Variants in UBASH3B observed in about 807,000 individuals in gnomAD.
UBASH3B encodes the protein ubiquitin associated and SH3 domain containing B.
In UBASH3B, 37 loss-of-function variants were observed where a neutral mutation model predicts 83.4. The observed-to-expected ratio is 0.44, with a 90% confidence interval of 0.34 to 0.58. The LOEUF (loss-of-function observed/expected upper bound fraction) is 0.58. Ranked by LOEUF, UBASH3B falls within the 20% of genes least tolerant of loss-of-function variation. The pLI is 0.01. For synonymous variants in UBASH3B, 304 were observed against 318.3 expected, an observed-to-expected ratio of 0.96 and a Z score of 0.48; for missense variants, 657 against 827.2, an observed-to-expected ratio of 0.79 and a Z score of 2.52.
At chr11:122,666,598 T>C (rs987128852) in intron 1 of UBASH3B, among the ~76,000 whole-genome samples, 1 of 152,118 alleles carries the variant, frequency 6.6e-6, no homozygotes. Flanking sequence ...TTTGTATTTT[T>C]AGTAGAGACG....
chr11:122,804,189 A>G (rs1478911898), intron 11 of UBASH3B, among the ~76,000 whole-genome samples: 1 of 152,098 alleles, frequency 6.6e-6, no homozygotes, highest in Admixed American at 6.5e-5. Flanking sequence ...ATGAGGTGAC[A>G]TAAATGGTGA....
intron 1 of UBASH3B, among the ~76,000 whole-genome samples, chr11:122,714,336 G>A (rs563983623): frequency 6.6e-6 from 1 of 152,174 alleles, no homozygotes; most frequent in Admixed American, 6.5e-5. Context: ...TACCTTACAA[G>A]GCCATTCAAT....
intron 1 of UBASH3B, among the ~76,000 whole-genome samples, chr11:122,730,741 A>G (rs549125201): frequency 1.3e-4 from 20 of 152,166 alleles, no homozygotes; most frequent in Non-Finnish European, 2.5e-4. Context: ...GATTACAGGC[A>G]TGTGCCACCA....
intron 1 of UBASH3B, among the ~76,000 whole-genome samples, chr11:122,662,640 A>G (rs888925171): frequency 6.6e-6 from 1 of 152,004 alleles, no homozygotes; most frequent in Non-Finnish European, 1.5e-5. Context: ...CATGTTGGTC[A>G]GGCTGGTCTC....
intron 7 of UBASH3B, among the ~76,000 whole-genome samples, chr11:122,795,757 C>G (rs1861143175): frequency 6.6e-6 from 1 of 152,206 alleles, no homozygotes; most frequent in African/African-American, 2.4e-5. Flanking sequence ...GAAGTCCTCA[C>G]TCCCTGAAGA....
At chr11:122,756,823 T>G (rs1861290295) in intron 1 of UBASH3B, among the ~76,000 whole-genome samples, 1 of 152,128 alleles carries the variant, frequency 6.6e-6, no homozygotes, top group Admixed American at 6.5e-5. Context: ...GAGGTTGCAC[T>G]CGATCCAGTG....
intron 6 of UBASH3B, among the ~76,000 whole-genome samples, chr11:122,793,308 G>T (rs543394342): frequency 2.0e-4 from 31 of 152,194 alleles, no homozygotes; most frequent in Non-Finnish European, 4.1e-4. Flanking sequence ...GCTTGAACCT[G>T]CAGGGTGGAG....
chr11:122,678,235 C>T (rs1389898277), intron 1 of UBASH3B, among the ~76,000 whole-genome samples: 1 of 152,194 alleles, frequency 6.6e-6, no homozygotes, highest in Non-Finnish European at 1.5e-5. Context: ...TATCAGCCAT[C>T]AGTGACCTGG....
At chr11:122,766,915 C>T (rs142229818) in intron 1 of UBASH3B, among the ~76,000 whole-genome samples, 2,109 of 152,324 alleles carry the variant, frequency 0.014, 45 homozygotes, top group Admixed American at 0.046. Context: ...CCCCTTCCCC[C>T]GAGTAGTCCT....
intron 1 of UBASH3B, among the ~76,000 whole-genome samples, chr11:122,741,259 C>T (rs137933542): frequency 7.9e-5 from 12 of 152,240 alleles, no homozygotes; most frequent in African/African-American, 2.4e-4. Context: ...TTTTCATGTT[C>T]GGCTCTTTTC....
At chr11:122,768,451 AAGAT>A (rs1445473697) in intron 1 of UBASH3B, among the ~76,000 whole-genome samples, 24 of 144,606 alleles carry the variant, frequency 1.7e-4, no homozygotes, top group East Asian at 4.0e-4. Flanking sequence ...AAAAAAGAAA[AAGAT>A]AGAGATATAT....
intron 1 of UBASH3B, among the ~76,000 whole-genome samples, chr11:122,695,618 C>A (rs759349330): frequency 5.3e-5 from 8 of 151,782 alleles, no homozygotes; most frequent in Non-Finnish European, 7.4e-5. Context: ...TTTACTTTTT[C>A]CCCGTTATCC....
chr11:122,734,118 T>A (rs1343206500), intron 1 of UBASH3B, among the ~76,000 whole-genome samples: 1 of 152,194 alleles, frequency 6.6e-6, no homozygotes, highest in Non-Finnish European at 1.5e-5. Flanking sequence ...AACTCCTGAC[T>A]TCAGGTGATC....
chr11:122,682,987 T>C (rs1863761323), intron 1 of UBASH3B, among the ~76,000 whole-genome samples: 1 of 152,174 alleles, frequency 6.6e-6, no homozygotes, highest in African/African-American at 2.4e-5. Context: ...GGCTTATGCC[T>C]GTAATCACAA....
At chr11:122,801,152 G>C in intron 10 of UBASH3B, 36 bp from the exon 11 acceptor site, 2 of 1,606,616 alleles carry the variant, frequency 1.2e-6, no homozygotes, top group Non-Finnish European at 1.7e-6. Flanking sequence ...GAATCCACAG[G>C]CACTTTCTTC....
Position 122,796,184 on chromosome 11 carries a change from C to G in UBASH3B, c.1142C>G (p.Pro381Arg), listed in dbSNP as rs1489310075. The G allele has an allele frequency of 1.2e-6, 2 of 1,613,994 alleles. No individual in the cohort carries two copies. Among genetic ancestry groups the G allele is most frequent in the African/African-American group, 1.3e-5 (1 of 74,916 alleles). Reference protein sequence around the residue: ...QPLRVNSQPGPQKRCLFVCRH... With the variant: ...QPLRVNSQPGRQKRCLFVCRH... ...CTGAGGGTCAACAGCCAGCCCGGCC[C>G]CCAGAAGCGATGCCTTTTTGTGTGT... The change falls in exon 8 of 14, where the codon CCC becomes CGC. Residue 381 changes from proline (P) to arginine (R), a missense_variant. Coordinates refer to ENST00000284273, the MANE Select transcript of UBASH3B (RefSeq NM_032873.5).
intron 1 of UBASH3B, among the ~76,000 whole-genome samples, chr11:122,723,512 A>G (rs1860678479): frequency 1.3e-5 from 2 of 152,218 alleles, no homozygotes; most frequent in African/African-American, 4.8e-5. Context: ...AAAAGGCCAA[A>G]TTCATCTGTT....
chr11:122,744,373 CTG>C (rs1420518363), intron 1 of UBASH3B, among the ~76,000 whole-genome samples: 6 of 152,036 alleles, frequency 3.9e-5, no homozygotes, highest in Non-Finnish European at 7.4e-5. Flanking sequence ...GAGCGTGTGA[CTG>C]TGAGTGGTTG....
chr11:122,779,617 C>T lies in UBASH3B; in HGVS notation c.523C>T (p.Leu175Phe). Residue 175 changes from leucine to phenylalanine, a missense_variant, in exon 4 of 14, where the codon CTC becomes TTC. Coordinates refer to ENST00000284273, the MANE Select transcript of UBASH3B (RefSeq NM_032873.5). ...ELYTSSNFIG[L>F]FVKEDSAEVL... ...CTATACGTCGTCCAACTTCATCGGC[C>T]TCTTTGTAAAGGAAGACAGTGCGGA... 1.9e-6 allele frequency: 3 copies of T among 1,614,196 alleles called. No individual in the cohort carries two copies. The highest frequency in any genetic ancestry group is 2.2e-5 in the South Asian group (2 of 91,088).
Sources: gnomAD v4.1 joint callset for allele counts (sites outside exome capture counted in the v4.1 genomes callset) on GRCh38, gnomAD v4.1.1 for gene constraint, MANE v1.5 for transcripts, NCBI Gene and HGNC (gene_info 2026-07-23, HGNC 2026-07-21) for gene names.